Variants in C2CD2 observed in about 807,000 individuals in gnomAD.
C2CD2 encodes C2 domain-containing protein 2.
C2CD2 carries 43 observed loss-of-function variants against 74.3 expected under a neutral mutation model. The ratio of observed to expected loss-of-function variants is 0.58; its 90% CI spans 0.45 to 0.75. The LOEUF (loss-of-function observed/expected upper bound fraction) is 0.75. Among genes scored for constraint, C2CD2 ranks in the 30% least tolerant of loss-of-function variants. C2CD2 has a pLI of 0.00. For missense variants in C2CD2, 801 were observed against 916.3 expected, an observed-to-expected ratio of 0.87 and a Z score of 1.63; for synonymous variants, 422 against 390.7, an observed-to-expected ratio of 1.08 and a Z score of -0.94.
In C2CD2 at chr21:41,912,324, A is replaced by C; in HGVS notation, c.953+8T>G. 6.3e-7 allele frequency: 1 copy of C among 1,588,278 alleles called. No individual in the cohort carries two copies. Among genetic ancestry groups the C allele is most frequent in the Non-Finnish European group, 8.6e-7 (1 of 1,159,188 alleles). On this transcript the variant is annotated splice_region_variant and intron_variant, in intron 7 of 13. Transcript: ENST00000380486. ...GGACACACAGGCCCATAACCCGGCC[A>C]GACTCACAAGGTGAATTCCTCTTCC...
intron 7 of C2CD2, among the ~76,000 whole-genome samples, chr21:41,910,376 G>A (rs1037577352): frequency 6.6e-6 from 1 of 152,082 alleles, no homozygotes; most frequent in Non-Finnish European, 1.5e-5. Flanking sequence ...ATTTCCTTAG[G>A]AAAACTCTAA....
At chr21:41,904,919 A>G (rs941902292) in intron 11 of C2CD2, among the ~76,000 whole-genome samples, 1 of 93,444 alleles carries the variant, frequency 1.1e-5, no homozygotes, top group African/African-American at 5.6e-5. Context: ...ATGAGTCAGT[A>G]AGACATCTCT....
At chr21:41,910,508 A>G (rs550551109) in intron 7 of C2CD2, among the ~76,000 whole-genome samples, 91 of 152,224 alleles carry the variant, frequency 6.0e-4, no homozygotes, top group African/African-American at 2.0e-3. Context: ...TTCTTTACCA[A>G]GCTGTGAGGT....
intron 1 of C2CD2, among the ~76,000 whole-genome samples, chr21:41,943,700 G>A (rs567369387): frequency 1.3e-5 from 2 of 152,214 alleles, no homozygotes; most frequent in South Asian, 2.1e-4. Flanking sequence ...GTGAGCAAGC[G>A]ATGAGGTTAC....
In C2CD2 at chr21:41,940,293, G is replaced by C. The variant is rs572431170; in HGVS notation, c.378+1854C>G. 9.9e-4 allele frequency among the ~76,000 whole-genome samples: 150 copies of C among 152,244 alleles called. 1 individual carries two copies. The highest frequency in any genetic ancestry group is 3.5e-3 in the African/African-American group (145 of 41,538). On this transcript the variant is annotated intron_variant, in intron 2 of 13. Transcript: ENST00000380486. ...TAGTTGAAGCAAAATGAACTACAAA[G>C]AAAAGAACTACAAAAACCAACCTGG...
rs1039703909 is a variant in C2CD2 at position 41,903,693 on chromosome 21, C to A, written c.1433-1944G>T. Among the ~76,000 whole-genome samples the A allele has an allele frequency of 2.0e-5, 3 of 152,176 alleles. No homozygotes were observed. Among genetic ancestry groups the A allele is most frequent in the Non-Finnish European group, 4.4e-5 (3 of 68,022 alleles). On this transcript the variant is annotated intron_variant, in intron 11 of 13. Coordinates refer to ENST00000380486, the MANE Select transcript of C2CD2 (RefSeq NM_015500.2). The surrounding 1 kb of genome is among the most constrained non-coding windows in gnomAD (Gnocchi z 4.5). The stretch of plus-strand genomic sequence containing the variant: ...ACGTGTCGGGAGCACGTCCTCCTCA[C>A]GCCAGGCCCAGTGCTTCTGTTCAGT...
At chr21:41,904,589 G>A (rs958164417) in intron 11 of C2CD2, among the ~76,000 whole-genome samples, 5 of 152,164 alleles carry the variant, frequency 3.3e-5, no homozygotes, top group Admixed American at 2.0e-4. Context: ...CAGGGCCTGC[G>A]TCCCAGAACT....
Position 41,889,192 on chromosome 21 carries a change from T to C in C2CD2, c.2023A>G (p.Lys675Glu). The change falls in exon 14 of 14, where the codon AAG becomes GAG. Residue 675 changes from lysine to glutamate, a missense_variant. Transcript: ENST00000380486. ...KGITLTRILN[K>E]KLLSRHRNKN... ...TTTCTGTGCCTGGAGAGCAGCTTCT[T>C]GTTCAGGATCCTGGTGAGGGTGATG... 1 of 1,613,268 alleles carries C rather than the reference T, an allele frequency of 6.2e-7. No individual in the cohort carries two copies. The highest frequency in any genetic ancestry group is 8.5e-7 in the Non-Finnish European group (1 of 1,180,026).
intron 5 of C2CD2, among the ~76,000 whole-genome samples, chr21:41,916,828 C>G (rs1432557126): frequency 2.0e-5 from 3 of 152,134 alleles, no homozygotes; most frequent in African/African-American, 7.2e-5. Flanking sequence ...CGTCTGGGTC[C>G]TATTAAATTC....
intron 2 of C2CD2, among the ~76,000 whole-genome samples, chr21:41,934,658 G>GC (rs1290837783): frequency 6.6e-6 from 1 of 152,150 alleles, no homozygotes; most frequent in Non-Finnish European, 1.5e-5. Context: ...AAAATATTGA[G>GC]CCCCGCACAG....
In C2CD2 at chr21:41,899,520, C is replaced by T. The variant is rs530252419; in HGVS notation, c.1561-158G>A. The stretch of plus-strand genomic sequence containing the variant: ...ATAGAAGGCGCTTATACATCACGGC[C>T]GTTGCTCATGCTTGGGTTAAAAAAG... On this transcript the variant is annotated intron_variant, in intron 12 of 13. Coordinates refer to ENST00000380486, the MANE Select transcript of C2CD2 (RefSeq NM_015500.2). This position sits in a 1 kb window ranked among gnomAD's most constrained non-coding sequence, Gnocchi z 4.4. Among the ~76,000 whole-genome samples, 4 of 152,246 alleles carry T rather than the reference C, an allele frequency of 2.6e-5. No individual in the cohort carries two copies. The highest frequency in any genetic ancestry group is 4.1e-4 in the South Asian group (2 of 4,820).
intron 2 of C2CD2, among the ~76,000 whole-genome samples, chr21:41,922,498 G>A (rs1264405297): frequency 3.7e-4 from 47 of 127,320 alleles, no homozygotes; most frequent in Non-Finnish European, 5.7e-4. Flanking sequence ...TTTTTGAGAC[G>A]GAGTCTCACT....
chr21:41,928,555 A>G (rs2065236088), intron 2 of C2CD2, among the ~76,000 whole-genome samples: 2 of 150,880 alleles, frequency 1.3e-5, no homozygotes, highest in South Asian at 4.2e-4. Context: ...AAAAAAAAAA[A>G]AAAAAAAAAA....
intron 5 of C2CD2, among the ~76,000 whole-genome samples, chr21:41,915,017 C>G (rs538306878): frequency 6.6e-6 from 1 of 152,152 alleles, no homozygotes. Flanking sequence ...TTACTTACCA[C>G]GGGGGAAGAT....
At chr21:41,918,428 G>A (rs1052354044) in intron 4 of C2CD2, among the ~76,000 whole-genome samples, 1 of 152,198 alleles carries the variant, frequency 6.6e-6, no homozygotes, top group Non-Finnish European at 1.5e-5. Flanking sequence ...CCCAAGTTAC[G>A]AGTGCAGCAC....
In C2CD2 at chr21:41,953,696, C is replaced by T. The variant is rs530515186; in HGVS notation, c.-48G>A. ...CCCCAACTTCCCCGGCAGCCCCGGG[C>T]CGGAACGGCGGACTCAGGACACGCG... On this transcript the variant is annotated 5_prime_UTR_variant, in exon 1 of 14. Transcript: ENST00000380486. 5.2e-6 allele frequency: 7 copies of T among 1,342,176 alleles called. No homozygotes were observed. In the South Asian group the frequency reaches 1.3e-4, roughly 24 times the overall value. 83.1% of individuals were successfully genotyped at this position (1,342,176 alleles called of 1,614,324 possible).
chr21:41,947,179 CG>C (rs1267854006), intron 1 of C2CD2, among the ~76,000 whole-genome samples: 1 of 117,344 alleles, frequency 8.5e-6, no homozygotes, highest in Non-Finnish European at 1.7e-5. Context: ...TTTTTTGAGA[CG>C]GAGTTTCACT....
chr21:41,938,956 C>A (rs1185059255), intron 2 of C2CD2, among the ~76,000 whole-genome samples: 5 of 152,126 alleles, frequency 3.3e-5, no homozygotes, highest in Non-Finnish European at 7.4e-5. Context: ...GTTGGCAAGG[C>A]TGGTCTCGAA....
At chr21:41,951,786 A>G (rs2065452716) in intron 1 of C2CD2, among the ~76,000 whole-genome samples, 1 of 152,244 alleles carries the variant, frequency 6.6e-6, no homozygotes, top group African/African-American at 2.4e-5. Context: ...CAAGAGGATC[A>G]TATTTTCTGA....
Sources: gnomAD v4.1 joint callset for allele counts (sites outside exome capture counted in the v4.1 genomes callset) on GRCh38, gnomAD v4.1.1 for gene constraint, Gnocchi (gnomAD v3.1) non-coding constraint, MANE v1.5 for transcripts, NCBI Gene and HGNC (gene_info 2026-07-23, HGNC 2026-07-21) for gene names.